Variants in ASIC2 observed in about 807,000 individuals in gnomAD.
ASIC2 encodes acid sensing ion channel subunit 2.
ASIC2 carries 25 observed loss-of-function variants against 57.3 expected under a neutral mutation model. The ratio of observed to expected loss-of-function variants is 0.44; its 90% CI spans 0.32 to 0.61. The LOEUF (loss-of-function observed/expected upper bound fraction) is 0.61. Ranked by LOEUF, ASIC2 falls within the 20% of genes least tolerant of loss-of-function variation. The probability of loss-of-function intolerance (pLI) is 0.06; values close to 1 mark genes in which losing one functional copy is unlikely to be tolerated. For synonymous variants in ASIC2, 319 were observed against 307.5 expected (o/e 1.04, Z -0.39); for missense variants, 641 against 738.1 (o/e 0.87, Z 1.52).
intron 1 of ASIC2, among the ~76,000 whole-genome samples, chr17:34,151,119 A>T (rs11378182): frequency 0.064 from 7,210 of 113,310 alleles, 633 homozygotes; most frequent in African/African-American, 0.18. Context: ...AAAAAAAAAA[A>T]AAAAAATAAA....
chr17:33,945,483 G>A (rs1904347308), intron 1 of ASIC2, among the ~76,000 whole-genome samples: 1 of 152,168 alleles, frequency 6.6e-6, no homozygotes, highest in Non-Finnish European at 1.5e-5. Flanking sequence ...CAAAGGATAA[G>A]AGAAATAAAA....
At chr17:33,838,807 G>A (rs942028381) in intron 1 of ASIC2, among the ~76,000 whole-genome samples, 10 of 152,244 alleles carry the variant, frequency 6.6e-5, no homozygotes, top group East Asian at 3.9e-4. Context: ...CCAACCAAAT[G>A]TTATAGTCTC....
chr17:33,555,024 G>A (rs1419738678), intron 1 of ASIC2, among the ~76,000 whole-genome samples: 2 of 152,180 alleles, frequency 1.3e-5, no homozygotes, highest in South Asian at 4.1e-4. Flanking sequence ...TAGGTGATCA[G>A]TAAAAAGTGG....
intron 1 of ASIC2, among the ~76,000 whole-genome samples, chr17:33,413,721 C>T (rs16968315): frequency 0.11 from 16,250 of 152,290 alleles, 949 homozygotes; most frequent in Middle Eastern, 0.14. Context: ...TTCATTAGAT[C>T]CCACTCACTC....
At chr17:34,090,402 A>G (rs1910286502) in intron 1 of ASIC2, among the ~76,000 whole-genome samples, 2 of 151,778 alleles carry the variant, frequency 1.3e-5, no homozygotes, top group South Asian at 4.2e-4. Context: ...GTGATAGGCT[A>G]CAGGGTTTAA....
intron 3 of ASIC2, among the ~76,000 whole-genome samples, chr17:33,041,737 TC>T (rs1197843456): frequency 2.0e-5 from 3 of 152,232 alleles, no homozygotes; most frequent in African/African-American, 7.2e-5. Context: ...ATGCTGGTCC[TC>T]ATGGGCTCTA....
rs1914000342 is a variant in ASIC2, at chr17:33,857,750, A to C, written c.555+298228T>G. ...CTGGGATTCAAACTGACAATAATCT[A>C]TCCTCTGTGATATCCAACATATCTC... On this transcript the variant is annotated intron_variant, in intron 1 of 9. Coordinates refer to the ASIC2 transcript ENST00000359872. Among the ~76,000 whole-genome samples the C allele has an allele frequency of 2.0e-5, 3 of 152,244 alleles. No individual in the cohort carries two copies. The South Asian group carries it at 6.2e-4, about 31-fold the overall frequency.
intron 1 of ASIC2, among the ~76,000 whole-genome samples, chr17:33,168,935 C>G (rs116141036): frequency 0.019 from 2,878 of 152,232 alleles, 92 homozygotes; most frequent in African/African-American, 0.062. Context: ...AAGATAGGTG[C>G]TATTCATCAA....
intron 1 of ASIC2, among the ~76,000 whole-genome samples, chr17:33,777,071 C>T (rs1911305100): frequency 6.6e-6 from 1 of 152,196 alleles, no homozygotes; most frequent in African/African-American, 2.4e-5. Context: ...AAGCTGGCAC[C>T]AAGCCAATGT....
chr17:33,406,314 A>T (rs1910472941), intron 1 of ASIC2, among the ~76,000 whole-genome samples: 1 of 152,166 alleles, frequency 6.6e-6, no homozygotes, highest in Non-Finnish European at 1.5e-5. Flanking sequence ...GCTGTGTCTG[A>T]TGCACATTTT....
intron 1 of ASIC2, among the ~76,000 whole-genome samples, chr17:34,096,072 A>G (rs1227688011): frequency 6.6e-6 from 1 of 152,216 alleles, no homozygotes; most frequent in Non-Finnish European, 1.5e-5. Context: ...ACCTCTTTCA[A>G]CAACATCCAT....
At chr17:34,040,252 G>A (rs1336208413) in intron 1 of ASIC2, among the ~76,000 whole-genome samples, 2 of 148,804 alleles carry the variant, frequency 1.3e-5, no homozygotes, top group Non-Finnish European at 3.0e-5. Context: ...GTGCGGCGCG[G>A]AGGGCGGGGG....
intron 1 of ASIC2, among the ~76,000 whole-genome samples, chr17:33,905,300 C>A (rs923121455): frequency 6.6e-6 from 1 of 152,140 alleles, no homozygotes; most frequent in Non-Finnish European, 1.5e-5. Context: ...TCTGACTGCA[C>A]TACTGACCAG....
intron 1 of ASIC2, among the ~76,000 whole-genome samples, chr17:33,435,784 G>A (rs1911589734): frequency 6.6e-6 from 1 of 152,210 alleles, no homozygotes; most frequent in African/African-American, 2.4e-5. Context: ...GCTGCTAACA[G>A]CATGAAAGGA....
intron 1 of ASIC2, among the ~76,000 whole-genome samples, chr17:33,900,308 A>T (rs921053704): frequency 1.3e-5 from 2 of 152,250 alleles, no homozygotes; most frequent in African/African-American, 4.8e-5. Context: ...AGTGAGGGAA[A>T]GTTATTAGTG....
intron 1 of ASIC2, among the ~76,000 whole-genome samples, chr17:33,715,484 G>T (rs1185122390): frequency 1.3e-5 from 2 of 152,164 alleles, no homozygotes; most frequent in African/African-American, 2.4e-5. Context: ...GCTGTGTGGA[G>T]CAAAGCACAC....
intron 1 of ASIC2, among the ~76,000 whole-genome samples, chr17:33,509,449 C>A (rs1914364070): frequency 6.6e-6 from 1 of 152,170 alleles, no homozygotes; most frequent in Non-Finnish European, 1.5e-5. Context: ...TGCCGCAATC[C>A]CAAGTCTGGT....
chr17:33,063,132 C>T (rs1314811181), intron 3 of ASIC2, among the ~76,000 whole-genome samples: 1 of 152,164 alleles, frequency 6.6e-6, no homozygotes, highest in Non-Finnish European at 1.5e-5. Context: ...CAGTCTGTGT[C>T]TTTTAATTGG....
intron 1 of ASIC2, among the ~76,000 whole-genome samples, chr17:33,749,037 G>C (rs1023587346): frequency 2.6e-5 from 4 of 152,156 alleles, no homozygotes; most frequent in Non-Finnish European, 5.9e-5. Flanking sequence ...CCAGAGGTGA[G>C]AGGAGAGCAA....
Sources: gnomAD v4.1 joint callset for allele counts (sites outside exome capture counted in the v4.1 genomes callset) on GRCh38, gnomAD v4.1.1 for gene constraint, MANE v1.5 for transcripts, NCBI Gene and HGNC (gene_info 2026-07-23, HGNC 2026-07-21) for gene names.